Variants in RTTN observed in about 807,000 individuals in gnomAD.
RTTN encodes rotatin.
A neutral mutation model predicts 269.2 loss-of-function variants in RTTN; 182 were observed. The ratio of observed to expected loss-of-function variants is 0.68; its 90% CI spans 0.60 to 0.76. The LOEUF (loss-of-function observed/expected upper bound fraction) is 0.76. RTTN is among the 30% of genes least tolerant of loss of function. RTTN has a pLI of 0.00. For synonymous variants in RTTN, 1,006 were observed against 963.5 expected (o/e 1.04, Z -0.82); for missense variants, 2,545 against 2,608.6 (o/e 0.98, Z 0.53).
At chr18:70,096,768 G>A (rs185033554) in intron 28 of RTTN, among the ~76,000 whole-genome samples, 8 of 152,278 alleles carry the variant, frequency 5.3e-5, no homozygotes, top group African/African-American at 1.4e-4. Context: ...CAGGAGGCAC[G>A]GGGTTCAGGG....
At chr18:70,071,983 A>T (rs2058307931) in intron 34 of RTTN, among the ~76,000 whole-genome samples, 1 of 152,182 alleles carries the variant, frequency 6.6e-6, no homozygotes, top group Admixed American at 6.5e-5. Context: ...CTTATACCTC[A>T]ATTTGTAACT....
chr18:70,138,047 G>T (rs2060165976), intron 21 of RTTN, among the ~76,000 whole-genome samples: 1 of 152,228 alleles, frequency 6.6e-6, no homozygotes, highest in Admixed American at 6.5e-5. Flanking sequence ...GGGAGGCCAA[G>T]GCAGGTGGAT....
chr18:70,018,470 G>A (rs553160032), intron 45 of RTTN, among the ~76,000 whole-genome samples: 1 of 152,242 alleles, frequency 6.6e-6, no homozygotes, highest in East Asian at 1.9e-4. Flanking sequence ...TAACTTTTAT[G>A]ATTGCACAGA....
chr18:70,170,420 G>A (rs2061108033), intron 11 of RTTN, among the ~76,000 whole-genome samples: 1 of 152,228 alleles, frequency 6.6e-6, no homozygotes, highest in Admixed American at 6.5e-5. Flanking sequence ...AAGTAATGGG[G>A]AGTGGAGGCA....
At chr18:70,042,773 T>C (rs1356498602) in intron 40 of RTTN, among the ~76,000 whole-genome samples, 1 of 152,226 alleles carries the variant, frequency 6.6e-6, no homozygotes, top group Admixed American at 6.5e-5. Context: ...GAATTCTCAC[T>C]AGCCTAACTA....
chr18:70,199,360 A>G (rs1326958584), intron 5 of RTTN, 54 bp downstream of exon 5: 1 of 1,206,236 alleles, frequency 8.3e-7, no homozygotes, highest in Non-Finnish European at 1.2e-6. Flanking sequence ...ATAACTATCA[A>G]ACTTAATGAC....
Position 70,127,659 on chromosome 18 carries a change from G to A in RTTN, c.3226C>T (p.Leu1076Phe). 6.2e-7 allele frequency: 1 copy of A among 1,613,470 alleles called. No homozygotes were observed. The highest frequency in any genetic ancestry group is 8.5e-7 in the Non-Finnish European group (1 of 1,179,702). Residue 1076 changes from leucine (L) to phenylalanine (F), a missense_variant, in exon 25 of 49, where the codon CTC becomes TTC. By Grantham distance (22) the Leu-to-Phe change is conservative. Coordinates refer to ENST00000640769, the MANE Select transcript of RTTN (RefSeq NM_173630.4). Reference sequence around the variant, plus strand: ...GTTGCAGCCTGAACAATGGAATGGAGGCAGTCCTGCAGCCCACTAGCCATG... The same window carrying A: ...GTTGCAGCCTGAACAATGGAATGGAAGCAGTCCTGCAGCCCACTAGCCATG... ...THMASGLQDC[L>F]HSIVQAATHR...
chr18:70,095,065 T>TG (rs1284961593), intron 28 of RTTN, among the ~76,000 whole-genome samples: 1 of 151,090 alleles, frequency 6.6e-6, no homozygotes, highest in East Asian at 1.9e-4. Flanking sequence ...AATGCCTTGT[T>TG]TTTTTTTTTA....
intron 10 of RTTN, among the ~76,000 whole-genome samples, chr18:70,185,054 C>G (rs542302797): frequency 2.6e-5 from 4 of 151,908 alleles, no homozygotes; most frequent in African/African-American, 9.7e-5. Flanking sequence ...CAAATAGATT[C>G]CAGAAGTAAA....
rs965615072 is a variant in RTTN at position 70,084,765 on chromosome 18, A to C, written c.4374+1848T>G. 2.6e-5 allele frequency among the ~76,000 whole-genome samples: 4 copies of C among 152,162 alleles called. No individual in the cohort carries two copies. The East Asian group carries it at 5.8e-4, about 22-fold the overall frequency. On this transcript the variant is annotated intron_variant, in intron 32 of 48. Coordinates refer to ENST00000640769, the MANE Select transcript of RTTN (RefSeq NM_173630.4). ...TGTTTGGGACAGCAGTGGCTCTCCA[A>C]CTTTTTTTATTTTGGCCAACTTAGC... is the stretch of plus-strand genomic sequence containing the variant.
At chr18:70,153,576 C>A (rs1599801112) in intron 14 of RTTN, among the ~76,000 whole-genome samples, 1 of 152,142 alleles carries the variant, frequency 6.6e-6, no homozygotes, top group African/African-American at 2.4e-5. Flanking sequence ...TTAAGTCTTA[C>A]AATAAAAAGC....
chr18:70,083,128 C>T (rs570408546), intron 32 of RTTN, among the ~76,000 whole-genome samples: 2 of 152,230 alleles, frequency 1.3e-5, no homozygotes, highest in East Asian at 3.9e-4. Context: ...GAACTGGGTT[C>T]TCATATCCAG....
At chr18:70,129,262 C>G (rs1393548127) in intron 23 of RTTN, 1 of 151,576 alleles carries the variant, frequency 6.6e-6, no homozygotes, top group East Asian at 1.9e-4. Flanking sequence ...CTAAAAGGAA[C>G]AAAAAGAAAT....
At chr18:70,115,789 C>T (rs1237024296) in intron 26 of RTTN, among the ~76,000 whole-genome samples, 1 of 151,900 alleles carries the variant, frequency 6.6e-6, no homozygotes, top group African/African-American at 2.4e-5. Context: ...TAAAATCCTT[C>T]ACCTAAAAGA....
chr18:70,005,178 T>C lies in RTTN; in HGVS notation c.6595+20A>G. 1 of 1,572,910 alleles carries C rather than the reference T, an allele frequency of 6.4e-7. No individual in the cohort carries two copies. Among genetic ancestry groups the C allele is most frequent in the East Asian group, 2.3e-5 (1 of 44,406 alleles). On this transcript the variant is annotated intron_variant, in intron 48 of 48. Transcript: ENST00000640769. ...ATAGCTTCTGAGTTTAACTATAATC[T>C]CTTTCTTATTGCAACTTACTTTTCT... is the stretch of plus-strand genomic sequence containing the variant.
intron 40 of RTTN, among the ~76,000 whole-genome samples, chr18:70,041,739 G>A (rs1025831409): frequency 6.6e-6 from 1 of 152,118 alleles, no homozygotes; most frequent in Admixed American, 6.5e-5. Flanking sequence ...GAAAATTTGT[G>A]GGCAAGGGTA....
intron 28 of RTTN, among the ~76,000 whole-genome samples, chr18:70,094,228 G>A (rs2058934043): frequency 6.6e-6 from 1 of 151,880 alleles, no homozygotes; most frequent in South Asian, 2.1e-4. Flanking sequence ...CTATTTTGTT[G>A]ATCTTTTCCA....
chr18:70,078,487 G>A (rs2058483055), intron 32 of RTTN, among the ~76,000 whole-genome samples: 1 of 151,656 alleles, frequency 6.6e-6, no homozygotes, highest in Non-Finnish European at 1.5e-5. Context: ...GACATGATAT[G>A]GACCCACAAT....
intron 32 of RTTN, among the ~76,000 whole-genome samples, chr18:70,075,793 T>C (rs2058414471): frequency 6.6e-6 from 1 of 152,066 alleles, no homozygotes; most frequent in Non-Finnish European, 1.5e-5. Flanking sequence ...CCATTTCATT[T>C]AAAATGTTTC....
Sources: allele counts gnomAD v4.1 joint callset (sites outside exome capture counted in the v4.1 genomes callset), GRCh38; gene constraint gnomAD v4.1.1; transcripts MANE v1.5; gene names NCBI Gene and HGNC (gene_info 2026-07-23, HGNC 2026-07-21).